Variants in CDH7 observed in about 807,000 individuals in gnomAD.
The protein encoded by CDH7 is cadherin 7, also known as cadherin-7.
Under a neutral mutation model 71.8 loss-of-function variants are expected in CDH7, and 25 were observed. That is an observed-to-expected ratio of 0.35 (90% CI 0.25 to 0.49). CDH7 has a LOEUF of 0.49. CDH7 is among the 20% of genes least tolerant of loss of function. CDH7 has a pLI of 0.99. For missense variants in CDH7, 862 were observed against 974.6 expected (o/e 0.88, Z 1.54); for synonymous variants, 381 against 363.8 (o/e 1.05, Z -0.54).
intron 7 of CDH7, among the ~76,000 whole-genome samples, chr18:65,846,441 AAAT>A (rs1408274497): frequency 6.6e-6 from 1 of 152,182 alleles, no homozygotes. Flanking sequence ...CAGTGAATTA[AAAT>A]TTTATTTTGT....
chr18:65,793,956 A>G (rs1910811245), intron 2 of CDH7, among the ~76,000 whole-genome samples: 1 of 152,104 alleles, frequency 6.6e-6, no homozygotes, highest in Non-Finnish European at 1.5e-5. Flanking sequence ...ATTGTAGGAA[A>G]GCTGTGGGTG....
chr18:65,761,628 T>G (rs1000039196), intron 1 of CDH7, among the ~76,000 whole-genome samples: 4 of 152,126 alleles, frequency 2.6e-5, no homozygotes, highest in African/African-American at 9.7e-5. Flanking sequence ...AATGAATTCA[T>G]AAACCAAAGT....
chr18:65,868,063 GA>G (rs2144049297), intron 11 of CDH7, among the ~76,000 whole-genome samples: 1 of 46,386 alleles, frequency 2.2e-5, no homozygotes, highest in Admixed American at 2.6e-4. Context: ...GAAGATTGTG[GA>G]GAAAAAAAGT....
chr18:65,771,628 A>G (rs1813744670), intron 2 of CDH7, among the ~76,000 whole-genome samples: 2 of 152,026 alleles, frequency 1.3e-5, no homozygotes, highest in Non-Finnish European at 2.9e-5. Context: ...GTGAGCCAAG[A>G]TCATGCCACT....
At position 65,782,158 on chromosome 18, in the gene CDH7, CTT is replaced by C. The variant is rs1568182692; in HGVS notation, c.210+19108_210+19109del. On this transcript the variant is annotated intron_variant, in intron 2 of 11. Transcript: ENST00000397968. ...TCTTTCTTTCTTTCTTTCTTTCTTT[CTT>C]TCTTCCTTTCTTTCTTTCTTTCTTT... 1.4e-4 allele frequency among the ~76,000 whole-genome samples: 16 copies of C among 110,530 alleles called. 4 individuals carry two copies. Among genetic ancestry groups the C allele is most frequent in the African/African-American group, 6.2e-4 (14 of 22,414 alleles). 72.5% of individuals were successfully genotyped at this position (110,530 alleles called of 152,430 possible). A position where few individuals can be genotyped will look rare whatever the true frequency, so the allele number is the denominator to read the frequency against.
At chr18:65,868,702 G>C (rs900126872) in intron 11 of CDH7, among the ~76,000 whole-genome samples, 2 of 152,106 alleles carry the variant, frequency 1.3e-5, no homozygotes, top group Middle Eastern at 3.4e-3. Flanking sequence ...TAAATTTGAG[G>C]TTATATTTCA....
intron 6 of CDH7, among the ~76,000 whole-genome samples, chr18:65,836,318 A>G (rs983756020): frequency 6.6e-6 from 1 of 152,182 alleles, no homozygotes; most frequent in Non-Finnish European, 1.5e-5. Context: ...GAAGAGAGAA[A>G]GGAAGACACT....
intron 6 of CDH7, among the ~76,000 whole-genome samples, chr18:65,832,150 T>C (rs1323380598): frequency 6.6e-6 from 1 of 152,124 alleles, no homozygotes; most frequent in East Asian, 1.9e-4. Context: ...GATAATCATC[T>C]GAATTTATTT....
At chr18:65,847,651 A>G (rs1912978659) in intron 7 of CDH7, among the ~76,000 whole-genome samples, 1 of 152,112 alleles carries the variant, frequency 6.6e-6, no homozygotes, top group South Asian at 2.1e-4. Flanking sequence ...TTTTCCTTAG[A>G]GAAAGACTGG....
chr18:65,847,118 A>G (rs1912962522), intron 7 of CDH7, among the ~76,000 whole-genome samples: 1 of 152,170 alleles, frequency 6.6e-6, no homozygotes, highest in Admixed American at 6.6e-5. Context: ...GTAACTATCA[A>G]AATGTAAATC....
chr18:65,870,936 A>G lies in CDH7; in HGVS notation c.1864+8019A>G, dbSNP rs141403704. On this transcript the variant is annotated intron_variant, in intron 11 of 11. Transcript: ENST00000397968. ...TAGAGACAATATTTTTAATCCATAA[A>G]TATTATTTATTGCACTCTACTGAAA... 2.7e-3 allele frequency among the ~76,000 whole-genome samples: 411 copies of G among 152,290 alleles called. 2 individuals carry two copies. The highest frequency in any genetic ancestry group is 9.4e-3 in the African/African-American group (389 of 41,562).
At chr18:65,819,542 G>A (rs984241086) in intron 4 of CDH7, among the ~76,000 whole-genome samples, 1 of 152,100 alleles carries the variant, frequency 6.6e-6, no homozygotes, top group African/African-American at 2.4e-5. Flanking sequence ...AAGGAAACCA[G>A]TATCTTTAAT....
intron 6 of CDH7, among the ~76,000 whole-genome samples, chr18:65,828,719 C>T (rs1035145708): frequency 1.3e-5 from 2 of 151,538 alleles, no homozygotes; most frequent in African/African-American, 4.8e-5. Flanking sequence ...ATATTCATCT[C>T]ATTTTTAGAT....
chr18:65,843,094 C>A (rs756743563), intron 6 of CDH7, among the ~76,000 whole-genome samples: 4 of 152,220 alleles, frequency 2.6e-5, no homozygotes, highest in Admixed American at 6.5e-5. Context: ...TCCTTACAAC[C>A]TTTTTCAGCT....
At chr18:65,863,092 C>G (rs1277851210) in intron 11 of CDH7, 175 bp downstream of exon 11, 3 of 684,116 alleles carry the variant, frequency 4.4e-6, no homozygotes, top group Non-Finnish European at 7.3e-6. Context: ...GGCTGGAGTG[C>G]AGTAGAATGA....
intron 2 of CDH7, among the ~76,000 whole-genome samples, chr18:65,766,696 A>G (rs1916379138): frequency 6.6e-6 from 1 of 151,756 alleles, no homozygotes. Context: ...TTGTTTTTAT[A>G]TGGGGAGAAG....
At chr18:65,852,634 A>C (rs1209147160) in intron 7 of CDH7, among the ~76,000 whole-genome samples, 2 of 152,144 alleles carry the variant, frequency 1.3e-5, no homozygotes, top group African/African-American at 4.8e-5. Context: ...CTATAGGCTA[A>C]AAATGTATTT....
intron 2 of CDH7, among the ~76,000 whole-genome samples, chr18:65,781,816 T>TA (rs1910224250): frequency 1.2e-5 from 1 of 84,768 alleles, no homozygotes; most frequent in African/African-American, 7.3e-5. Flanking sequence ...CCTTCCTTCC[T>TA]TCCTTCTTTC....
In CDH7 at chr18:65,753,376, T is replaced by C. The variant is rs148461212; in HGVS notation, c.-197+2226T>C. Among the ~76,000 whole-genome samples the C allele has an allele frequency of 3.8e-3, 577 of 152,338 alleles. 5 individuals are homozygous for C. The highest frequency in any genetic ancestry group is 0.014 in the African/African-American group (563 of 41,572). Reference sequence around the variant, plus strand: ...TGTGCTGTGGATATTTATTGCTGAATGGTTACAATCTTCCTGGATTTCATA... The same window carrying C: ...TGTGCTGTGGATATTTATTGCTGAACGGTTACAATCTTCCTGGATTTCATA... On this transcript the variant is annotated intron_variant, in intron 1 of 11. Transcript: ENST00000397968.
Sources: gnomAD v4.1 joint callset for allele counts (sites outside exome capture counted in the v4.1 genomes callset) on GRCh38, gnomAD v4.1.1 for gene constraint, MANE v1.5 for transcripts, NCBI Gene and HGNC (gene_info 2026-07-23, HGNC 2026-07-21) for gene names.